Variants in PTPRN2 observed in about 807,000 individuals in gnomAD.
The protein encoded by PTPRN2 is receptor-type tyrosine-protein phosphatase N2.
In PTPRN2, 74 loss-of-function variants were observed where a neutral mutation model predicts 118.8. The ratio of observed to expected loss-of-function variants is 0.62; its 90% CI spans 0.52 to 0.76. The LOEUF is 0.76. PTPRN2 is among the 30% of genes least tolerant of loss of function. PTPRN2 has a pLI of 0.00. For missense variants in PTPRN2, 1,481 were observed against 1,394.4 expected (o/e 1.06, Z -0.99); for synonymous variants, 641 against 608.0 (o/e 1.05, Z -0.80).
At chr7:158,304,553 A>C (rs948161699) in intron 3 of PTPRN2, among the ~76,000 whole-genome samples, 4 of 152,102 alleles carry the variant, frequency 2.6e-5, no homozygotes, top group Non-Finnish European at 5.9e-5. Flanking sequence ...GGATTTCTAC[A>C]TGCTAGAGAG....
At chr7:157,567,104 C>T (rs1199261974) in intron 21 of PTPRN2, among the ~76,000 whole-genome samples, 2 of 152,168 alleles carry the variant, frequency 1.3e-5, no homozygotes, top group African/African-American at 4.8e-5. Flanking sequence ...TGGAGAAATA[C>T]AAATTCCATG....
At position 157,995,811 on chromosome 7, in the gene PTPRN2, A is replaced by C. The variant is rs146335757; in HGVS notation, c.1723+85487T>G. ...TGACTTCTACGGCAAACTCAAGTTT[A>C]AGCAAAAGTAGACTACCCTTCGGAA... On this transcript the variant is annotated intron_variant, in intron 11 of 22. Coordinates refer to ENST00000389418, the MANE Select transcript of PTPRN2 (RefSeq NM_002847.5). Among the ~76,000 whole-genome samples, 64 of 152,372 alleles carry C rather than the reference A, an allele frequency of 4.2e-4. 1 individual carries two copies. The highest frequency in any genetic ancestry group is 1.5e-3 in the African/African-American group (62 of 41,596).
intron 12 of PTPRN2, among the ~76,000 whole-genome samples, chr7:157,896,857 G>A (rs1051338581): frequency 6.6e-6 from 1 of 152,152 alleles, no homozygotes; most frequent in Non-Finnish European, 1.5e-5. Flanking sequence ...GTTTCAATGA[G>A]GAAGGTGTGT....
At chr7:158,527,272 C>A (rs1202191185) in intron 1 of PTPRN2, among the ~76,000 whole-genome samples, 2 of 152,026 alleles carry the variant, frequency 1.3e-5, no homozygotes, top group Non-Finnish European at 2.9e-5. Context: ...CCACAAGGCG[C>A]GTCCTGGGCC....
chr7:157,790,576 A>T (rs1397131964), intron 12 of PTPRN2, among the ~76,000 whole-genome samples: 6 of 152,214 alleles, frequency 3.9e-5, no homozygotes, highest in African/African-American at 1.2e-4. Flanking sequence ...TGGGTACAGA[A>T]AAAATCCACC....
rs368297149 is a variant in PTPRN2 at position 158,003,709 on chromosome 7, G to A, written c.1723+77589C>T. 8.0e-4 allele frequency among the ~76,000 whole-genome samples: 122 copies of A among 152,022 alleles called. No homozygotes were observed. The highest frequency in any genetic ancestry group is 3.4e-3 in the Middle Eastern group (1 of 294). On this transcript the variant is annotated intron_variant, in intron 11 of 22. Transcript: ENST00000389418. This position sits in a 1 kb window ranked among gnomAD's most constrained non-coding sequence, Gnocchi z 5.0. ...ACAGGGGTGGGGAAGCACGCCATCC[G>A]GGCTCCAGCCCTGCGGTTGGCGGGA...
At chr7:158,037,163 A>C (rs1163742513) in intron 11 of PTPRN2, among the ~76,000 whole-genome samples, 2 of 152,240 alleles carry the variant, frequency 1.3e-5, no homozygotes, top group Non-Finnish European at 2.9e-5. Context: ...TACTTCAAAA[A>C]ATTTTAATAA....
At chr7:157,840,453 A>G (rs1345249845) in intron 12 of PTPRN2, among the ~76,000 whole-genome samples, 8 of 134,312 alleles carry the variant, frequency 6.0e-5, no homozygotes, top group East Asian at 5.0e-4. Context: ...TGACTGTGTG[A>G]CCGCGTGTGA....
intron 19 of PTPRN2, 61 bp downstream of exon 19, chr7:157,576,552 C>T (rs943972955): frequency 6.9e-7 from 1 of 1,455,106 alleles, no homozygotes; most frequent in African/African-American, 1.4e-5. Flanking sequence ...GCACCGAAGC[C>T]TCGCTCCCCT....
At position 157,745,270 on chromosome 7, in the gene PTPRN2, G is replaced by C. The variant is rs183964205; in HGVS notation, c.1789-62333C>G. On this transcript the variant is annotated intron_variant, in intron 12 of 22. Coordinates refer to ENST00000389418, the MANE Select transcript of PTPRN2 (RefSeq NM_002847.5). ...GTCCTTCTGTGTATGTCTCAGCCCA[G>C]GTCATCACAGATCCAGCCAGTGATC... 1.9e-3 allele frequency among the ~76,000 whole-genome samples: 289 copies of C among 152,322 alleles called. 1 individual carries two copies. Among genetic ancestry groups the C allele is most frequent in the African/African-American group, 4.2e-3 (176 of 41,576 alleles).
intron 11 of PTPRN2, among the ~76,000 whole-genome samples, chr7:157,982,186 C>T (rs1803264703): frequency 2.2e-5 from 3 of 133,758 alleles, no homozygotes; most frequent in Admixed American, 7.6e-5. Flanking sequence ...ATGCAGAGTG[C>T]AGGGTCCCCC....
intron 12 of PTPRN2, among the ~76,000 whole-genome samples, chr7:157,786,948 A>C (rs2151065718): frequency 6.6e-6 from 1 of 152,272 alleles, no homozygotes; most frequent in Non-Finnish European, 1.5e-5. Context: ...ACAGAGTGCC[A>C]GTGTCAGCTG....
At chr7:157,600,203 G>T (rs1801592503) in intron 16 of PTPRN2, among the ~76,000 whole-genome samples, 1 of 114,166 alleles carries the variant, frequency 8.8e-6, no homozygotes. Flanking sequence ...CTCTCCACCT[G>T]CCCACCTCTC....
At chr7:158,064,644 C>T (rs1391088017) in intron 11 of PTPRN2, among the ~76,000 whole-genome samples, 1 of 152,186 alleles carries the variant, frequency 6.6e-6, no homozygotes. Flanking sequence ...TTTTCTTCTC[C>T]TCAGGGCCTC....
At chr7:158,491,594 A>G (rs1821447574) in intron 1 of PTPRN2, among the ~76,000 whole-genome samples, 1 of 152,050 alleles carries the variant, frequency 6.6e-6, no homozygotes, top group Non-Finnish European at 1.5e-5. Context: ...GGTTCAAGCA[A>G]TCCCCCTGCC....
At chr7:157,744,702 C>T (rs553428996) in intron 12 of PTPRN2, among the ~76,000 whole-genome samples, 19 of 152,056 alleles carry the variant, frequency 1.2e-4, no homozygotes, top group Non-Finnish European at 2.2e-4. Flanking sequence ...GTGCAGAAGA[C>T]GGAGGATGTG....
At chr7:157,643,324 T>G (rs973832889) in intron 14 of PTPRN2, among the ~76,000 whole-genome samples, 1 of 152,256 alleles carries the variant, frequency 6.6e-6, no homozygotes, top group Admixed American at 6.5e-5. Context: ...AGCACTAGCA[T>G]GGCTCTAGCA....
chr7:158,259,194 A>G (rs1344740480), intron 3 of PTPRN2, among the ~76,000 whole-genome samples: 1 of 152,248 alleles, frequency 6.6e-6, no homozygotes, highest in African/African-American at 2.4e-5. Context: ...AGGTTGCTCA[A>G]GGCAGATGCA....
At chr7:158,174,560 C>T (rs996960617) in intron 5 of PTPRN2, among the ~76,000 whole-genome samples, 1 of 152,162 alleles carries the variant, frequency 6.6e-6, no homozygotes, top group Non-Finnish European at 1.5e-5. Context: ...TCACCCCCGC[C>T]ATCAGCATCA....
Sources: gnomAD v4.1 joint callset for allele counts (sites outside exome capture counted in the v4.1 genomes callset) on GRCh38, gnomAD v4.1.1 for gene constraint, Gnocchi (gnomAD v3.1) non-coding constraint, MANE v1.5 for transcripts, NCBI Gene and HGNC (gene_info 2026-07-23, HGNC 2026-07-21) for gene names.